The following GLIPR1L2 variants were observed in gnomAD, a reference collection of about 807,000 sequenced individuals.
The protein encoded by GLIPR1L2 is GLIPR1 like 2, also known as GLIPR1-like protein 2.
In GLIPR1L2, 21 loss-of-function variants were observed where a neutral mutation model predicts 28.4. That is an observed-to-expected ratio of 0.74 (90% CI 0.52 to 1.06). The LOEUF is 1.06. Ranked by LOEUF, GLIPR1L2 falls within the 50% of genes least tolerant of loss-of-function variation. The pLI is 0.00. For missense variants in GLIPR1L2, 476 were observed against 416.9 expected, an observed-to-expected ratio of 1.14 and a Z score of -1.23; for synonymous variants, 145 against 139.3, an observed-to-expected ratio of 1.04 and a Z score of -0.29.
chr12:75,399,216 G>GTTTTT (rs2045713735), intron 1 of GLIPR1L2, among the ~76,000 whole-genome samples: 3 of 152,106 alleles, frequency 2.0e-5, no homozygotes, highest in Non-Finnish European at 4.4e-5. Flanking sequence ...TACAGTATTA[G>GTTTTT]TATGTTAAAA....
intron 1 of GLIPR1L2, among the ~76,000 whole-genome samples, chr12:75,403,643 A>G (rs116032928): frequency 0.024 from 3,654 of 152,086 alleles, 153 homozygotes; most frequent in African/African-American, 0.084. Flanking sequence ...TGGCTCCTCT[A>G]AGACCCCTCC....
intron 3 of GLIPR1L2, among the ~76,000 whole-genome samples, chr12:75,417,802 T>G (rs1235808670): frequency 6.6e-6 from 1 of 152,122 alleles, no homozygotes; most frequent in Non-Finnish European, 1.5e-5. Context: ...TATAATTATT[T>G]ACTAGTCCTT....
intron 4 of GLIPR1L2, among the ~76,000 whole-genome samples, chr12:75,430,228 T>C (rs572571715): frequency 1.4e-4 from 21 of 152,322 alleles, no homozygotes; most frequent in African/African-American, 4.8e-4. Context: ...ACTAGTTAAC[T>C]AAAAATATTG....
At chr12:75,394,246 A>C (rs1339221494) in intron 1 of GLIPR1L2, among the ~76,000 whole-genome samples, 11 of 152,012 alleles carry the variant, frequency 7.2e-5, no homozygotes, top group African/African-American at 2.7e-4. Flanking sequence ...TCCTTTGATA[A>C]ACAAAAGTTT....
chr12:75,394,606 C>T (rs2045662872), intron 1 of GLIPR1L2, among the ~76,000 whole-genome samples: 1 of 151,824 alleles, frequency 6.6e-6, no homozygotes, highest in South Asian at 2.1e-4. Flanking sequence ...TGTCTGTATG[C>T]TATTAATAGT....
intron 1 of GLIPR1L2, among the ~76,000 whole-genome samples, chr12:75,405,668 C>G (rs911467089): frequency 6.6e-6 from 1 of 151,922 alleles, no homozygotes. Flanking sequence ...TGCCAGCAAC[C>G]CACTTTCATG....
At chr12:75,403,156 A>G (rs914270070) in intron 1 of GLIPR1L2, 2 of 456,564 alleles carry the variant, frequency 4.4e-6, no homozygotes, top group Non-Finnish European at 8.8e-6. Flanking sequence ...GGTGAGTCTG[A>G]CTCCTGAGCC....
intron 4 of GLIPR1L2, chr12:75,423,820 TG>T (rs1380061771): frequency 6.6e-6 from 1 of 152,212 alleles, no homozygotes; most frequent in African/African-American, 2.4e-5. Context: ...ATGCAGTGTT[TG>T]GTTTTCTGTT....
At chr12:75,404,191 T>A (rs1160812850) in intron 1 of GLIPR1L2, among the ~76,000 whole-genome samples, 1 of 152,300 alleles carries the variant, frequency 6.6e-6, no homozygotes, top group East Asian at 1.9e-4. Context: ...CTATAAGATC[T>A]CTATATATGT....
intron 3 of GLIPR1L2, among the ~76,000 whole-genome samples, chr12:75,417,184 G>C (rs963243676): frequency 1.3e-5 from 2 of 152,024 alleles, no homozygotes; most frequent in African/African-American, 4.8e-5. Flanking sequence ...GATTATTTGG[G>C]TGAGGGCTAA....
rs895478486 is a variant in GLIPR1L2, at chr12:75,410,423, A to T, written c.235-11A>T. On this transcript the variant is annotated splice_polypyrimidine_tract_variant and intron_variant, in intron 1 of 5. Transcript: ENST00000550916. ...TTATTTTGTTCTCTTTGCTTTTTGA[A>T]TATTTTTCAGACTTGGGATGTAGCT... The T allele has an allele frequency of 6.7e-7, 1 of 1,501,356 alleles. No individual in the cohort carries two copies. Among genetic ancestry groups the T allele is most frequent in the Admixed American group, 2.3e-5 (1 of 42,656 alleles). The allele number at this position is 1,501,356 out of a possible 1,614,324, so 93.0% of individuals were successfully genotyped here.
chr12:75,418,275 A>G (rs951008599), intron 3 of GLIPR1L2, among the ~76,000 whole-genome samples: 1 of 152,198 alleles, frequency 6.6e-6, no homozygotes, highest in African/African-American at 2.4e-5. Flanking sequence ...GCTGGATAAA[A>G]GTAAAACTGA....
intron 1 of GLIPR1L2, chr12:75,391,586 C>G: frequency 7.1e-7 from 1 of 1,412,568 alleles, no homozygotes; most frequent in Non-Finnish European, 9.6e-7. Flanking sequence ...AGGCACTGGC[C>G]TGAAGTGCAG....
rs2045580256 is a variant in GLIPR1L2, at chr12:75,391,198, C to T, written c.82C>T (p.Leu28Phe). 1.2e-6 allele frequency: 2 copies of T among 1,614,236 alleles called. No individual in the cohort carries two copies. Among genetic ancestry groups the T allele is most frequent in the Non-Finnish European group, 1.7e-6 (2 of 1,180,034 alleles). Residue 28 changes from leucine to phenylalanine, a missense_variant, in exon 1 of 6, where the codon CTC (leucine) becomes TTC (phenylalanine). Transcript: ENST00000550916. ...LAVGGVLKLR[L>F]CELWLLLLGS... ...AGTAGGGGGCGTTTTGAAGCTGCGG[C>T]TCTGTGAGCTGTGGCTACTGCTACT...
At position 75,407,676 on chromosome 12, in the gene GLIPR1L2, G is replaced by A. The variant is rs139594063; in HGVS notation, c.235-2758G>A. On this transcript the variant is annotated intron_variant, in intron 1 of 5. Coordinates refer to ENST00000550916, the MANE Select transcript of GLIPR1L2 (RefSeq NM_001270396.2). The stretch of plus-strand genomic sequence containing the variant: ...ATTTTTAAATTGTAGAAAAGTAATT[G>A]TAATGTAACTAATTTTGCTCATAGA... Among the ~76,000 whole-genome samples the A allele has an allele frequency of 1.2e-3, 185 of 152,188 alleles. 1 individual carries two copies. Among genetic ancestry groups the A allele is most frequent in the African/African-American group, 4.1e-3 (170 of 41,538 alleles).
chr12:75,430,620 T>C (rs1465321568), intron 4 of GLIPR1L2, 95 bp from the exon 5 acceptor site: 10 of 1,152,934 alleles, frequency 8.7e-6, no homozygotes, highest in Non-Finnish European at 7.3e-6. Flanking sequence ...GCCTGAGAAC[T>C]AGGAGAAAGT....
chr12:75,430,642 T>C (rs530664023), intron 4 of GLIPR1L2, 73 bp from the exon 5 acceptor site: 378 of 1,353,020 alleles, frequency 2.8e-4, no homozygotes, highest in Non-Finnish European at 3.6e-4. Context: ...ACACTATTAT[T>C]GGGAGATTAT....
At chr12:75,420,888 C>T (rs956981593) in intron 3 of GLIPR1L2, among the ~76,000 whole-genome samples, 10 of 152,096 alleles carry the variant, frequency 6.6e-5, no homozygotes, top group Non-Finnish European at 1.3e-4. Context: ...TTGTAGTCTA[C>T]CACAGTGTGG....
intron 1 of GLIPR1L2, 38 bp downstream of exon 1, chr12:75,391,388 C>A (rs201714376): frequency 8.7e-6 from 14 of 1,604,658 alleles, no homozygotes; most frequent in Non-Finnish European, 1.2e-5. Context: ...CTTCCACTAC[C>A]GTTGCCACAA....
Sources: allele counts gnomAD v4.1 joint callset (sites outside exome capture counted in the v4.1 genomes callset), GRCh38; gene constraint gnomAD v4.1.1; transcripts MANE v1.5; gene names NCBI Gene and HGNC (gene_info 2026-07-23, HGNC 2026-07-21).